The following TSHZ2 variants were observed in gnomAD, a reference collection of about 807,000 sequenced individuals.
TSHZ2 encodes the protein teashirt zinc finger homeobox 2, also known as teashirt homolog 2.
Under a neutral mutation model 74.4 loss-of-function variants are expected in TSHZ2, and 21 were observed. The observed-to-expected ratio is 0.28, with a 90% CI of 0.20 to 0.41. The LOEUF (loss-of-function observed/expected upper bound fraction) is 0.41, where lower values mean the gene tolerates loss of function less well. Ranked by LOEUF, TSHZ2 falls within the 10% of genes least tolerant of loss-of-function variation. TSHZ2 has a pLI of 1.00. For missense variants in TSHZ2, 1,244 were observed against 1,293.5 expected (o/e 0.96, Z 0.59); for synonymous variants, 540 against 515.3 (o/e 1.05, Z -0.65).
intron 1 of TSHZ2, among the ~76,000 whole-genome samples, chr20:52,990,031 A>G (rs555612103): frequency 1.0e-3 from 152 of 151,948 alleles, no homozygotes; most frequent in Middle Eastern, 6.8e-3. Flanking sequence ...ATTTGTATTC[A>G]TTTATCGGTT....
intron 1 of TSHZ2, among the ~76,000 whole-genome samples, chr20:53,205,258 G>A (rs894522591): frequency 1.3e-5 from 2 of 152,174 alleles, no homozygotes; most frequent in Non-Finnish European, 2.9e-5. Context: ...AGGAGAGTTG[G>A]TGGCTGGCTT....
Position 53,253,636 on chromosome 20 carries a change from C to A in TSHZ2, c.178C>A (p.Gln60Lys). Reference protein sequence around the residue: ...TDEELETGPEQKGCFSYQNSP... With the variant: ...TDEELETGPEKKGCFSYQNSP... ...CGAGGAGCTAGAAACGGGCCCAGAG[C>A]AAAAAGGCTGCTTCAGCTACCAGAA... The change falls in exon 2 of 3, where the codon CAA becomes AAA. Residue 60 changes from glutamine (Q) to lysine (K), a missense_variant. Gln to Lys is a moderately conservative substitution (Grantham distance 53). Transcript: ENST00000371497. 6.2e-7 allele frequency: 1 copy of A among 1,614,052 alleles called. No homozygotes were observed. Among genetic ancestry groups the A allele is most frequent in the Non-Finnish European group, 8.5e-7 (1 of 1,180,004 alleles).
chr20:53,303,185 A>T (rs1057093650), intron 2 of TSHZ2, among the ~76,000 whole-genome samples: 1 of 152,264 alleles, frequency 6.6e-6, no homozygotes, highest in Non-Finnish European at 1.5e-5. Flanking sequence ...CTCTTTAAGA[A>T]AATTTCAAAA....
chr20:53,210,178 C>T (rs1989269314), intron 1 of TSHZ2, among the ~76,000 whole-genome samples: 1 of 152,198 alleles, frequency 6.6e-6, no homozygotes, highest in Non-Finnish European at 1.5e-5. Context: ...TGCAGGAGCC[C>T]GAGTGGGTGT....
chr20:53,032,169 G>A (rs1983663266), intron 1 of TSHZ2, among the ~76,000 whole-genome samples: 2 of 152,162 alleles, frequency 1.3e-5, no homozygotes, highest in Admixed American at 6.5e-5. Flanking sequence ...TCCTTAGGAG[G>A]CTAAAGTCCA....
At chr20:53,010,134 C>G (rs1982796363) in intron 1 of TSHZ2, among the ~76,000 whole-genome samples, 1 of 152,158 alleles carries the variant, frequency 6.6e-6, no homozygotes, top group Non-Finnish European at 1.5e-5. Context: ...CAAAGCCAGT[C>G]ATTCAGGACC....
At chr20:53,374,697 G>A (rs1354008241) in intron 2 of TSHZ2, among the ~76,000 whole-genome samples, 1 of 152,142 alleles carries the variant, frequency 6.6e-6, no homozygotes, top group African/African-American at 2.4e-5. Context: ...GCACTGGTGT[G>A]AGATGGTATC....
At chr20:53,073,402 A>G (rs540079747) in intron 1 of TSHZ2, among the ~76,000 whole-genome samples, 3 of 148,750 alleles carry the variant, frequency 2.0e-5, no homozygotes, top group Admixed American at 6.7e-5. Flanking sequence ...TAATCCATTC[A>G]TCCATCCCTC....
chr20:53,017,399 G>T (rs556835499), intron 1 of TSHZ2, among the ~76,000 whole-genome samples: 2 of 152,192 alleles, frequency 1.3e-5, no homozygotes, highest in Admixed American at 1.3e-4. Flanking sequence ...TGTAATTCTG[G>T]TGTTTCACAA....
At position 53,299,990 on chromosome 20, in the gene TSHZ2, G is replaced by C. The variant is rs148520844; in HGVS notation, c.*8+43419G>C. 6.3e-4 allele frequency among the ~76,000 whole-genome samples: 96 copies of C among 152,128 alleles called. 1 individual carries two copies. The highest frequency in any genetic ancestry group is 2.1e-3 in the African/African-American group (88 of 41,506). On this transcript the variant is annotated intron_variant, in intron 2 of 2. Transcript: ENST00000371497. Reference sequence around the variant, plus strand: ...AGGGTTTATCTTATTTACTTCCCTCGTGCTGTTCAGCTAATTCCCTGCCAG... The same window carrying C: ...AGGGTTTATCTTATTTACTTCCCTCCTGCTGTTCAGCTAATTCCCTGCCAG...
intron 1 of TSHZ2, among the ~76,000 whole-genome samples, chr20:53,182,100 T>A (rs988126175): frequency 3.3e-5 from 5 of 151,424 alleles, no homozygotes; most frequent in Non-Finnish European, 7.4e-5. Flanking sequence ...CTTCCTTTCC[T>A]TCCTTCCTTC....
In TSHZ2 at chr20:53,353,793, G is replaced by A. The variant is rs920275441; in HGVS notation, c.*8+97222G>A. 5.9e-5 allele frequency among the ~76,000 whole-genome samples: 9 copies of A among 152,270 alleles called. No individual in the cohort carries two copies. In the Middle Eastern group the frequency reaches 0.01, roughly 173 times the overall value. On this transcript the variant is annotated intron_variant, in intron 2 of 2. Transcript: ENST00000371497. ...TTATCATCAGGCAGTTGAAACAAGG[G>A]TATTAGAAATCATTTTAGACCAATA...
chr20:53,141,349 T>C (rs1987397531), intron 1 of TSHZ2, among the ~76,000 whole-genome samples: 1 of 152,160 alleles, frequency 6.6e-6, no homozygotes, highest in Non-Finnish European at 1.5e-5. Context: ...TCATTAGTTC[T>C]TAGATAGTGT....
At chr20:53,027,616 T>A (rs1983493207) in intron 1 of TSHZ2, among the ~76,000 whole-genome samples, 1 of 152,016 alleles carries the variant, frequency 6.6e-6, no homozygotes, top group Non-Finnish European at 1.5e-5. Flanking sequence ...TTGGCTGGAA[T>A]GAGGATAGAA....
intron 2 of TSHZ2, among the ~76,000 whole-genome samples, chr20:53,384,840 C>T (rs1040937781): frequency 3.3e-5 from 5 of 152,200 alleles, no homozygotes; most frequent in East Asian, 1.9e-4. Flanking sequence ...ATAAAGGAGT[C>T]GGCTGGACGC....
intron 1 of TSHZ2, among the ~76,000 whole-genome samples, chr20:52,981,236 T>G (rs1981556875): frequency 6.6e-6 from 1 of 152,194 alleles, no homozygotes; most frequent in Non-Finnish European, 1.5e-5. Flanking sequence ...CGCTAGTTAT[T>G]TAGCCCCGGG....
intron 1 of TSHZ2, among the ~76,000 whole-genome samples, chr20:52,978,659 T>C (rs878892755): frequency 6.6e-6 from 1 of 152,210 alleles, no homozygotes; most frequent in Admixed American, 6.5e-5. Flanking sequence ...CAGTGGTTTT[T>C]CATTACATAT....
At chr20:53,150,482 T>A (rs894341436) in intron 1 of TSHZ2, among the ~76,000 whole-genome samples, 4 of 152,206 alleles carry the variant, frequency 2.6e-5, no homozygotes, top group Non-Finnish European at 4.4e-5. Context: ...AAATCTGTTT[T>A]CTCTTTTGTT....
intron 1 of TSHZ2, among the ~76,000 whole-genome samples, chr20:53,175,343 T>C (rs1988311423): frequency 6.6e-6 from 1 of 152,006 alleles, no homozygotes; most frequent in African/African-American, 2.4e-5. Context: ...GGTTTCACCA[T>C]GTTGGCCAGG....
Sources: allele counts gnomAD v4.1 joint callset (sites outside exome capture counted in the v4.1 genomes callset), GRCh38; gene constraint gnomAD v4.1.1; transcripts MANE v1.5; gene names NCBI Gene and HGNC (gene_info 2026-07-23, HGNC 2026-07-21).